The following PRKN variants were observed in gnomAD, a reference collection of about 807,000 sequenced individuals.
PRKN encodes parkin RBR E3 ubiquitin protein ligase.
A neutral mutation model predicts 59.5 loss-of-function variants in PRKN; 56 were observed. The ratio of observed to expected loss-of-function variants is 0.94; its 90% CI spans 0.76 to 1.18. The LOEUF (loss-of-function observed/expected upper bound fraction) is 1.18, where lower values mean the gene tolerates loss of function less well. Ranked by LOEUF, PRKN falls within the 50% of genes most tolerant of loss-of-function variation. The pLI, the probability that PRKN is intolerant of heterozygous loss-of-function variation, is 0.00. For missense variants in PRKN, 657 were observed against 596.4 expected (o/e 1.10, Z -1.06); for synonymous variants, 250 against 222.1 (o/e 1.13, Z -1.12).
At chr6:161,511,258 GA>G (rs1778378717) in intron 9 of PRKN, among the ~76,000 whole-genome samples, 1 of 152,202 alleles carries the variant, frequency 6.6e-6, no homozygotes, top group African/African-American at 2.4e-5. Context: ...TGTCAGATTG[GA>G]AATATGATGT....
chr6:162,315,671 T>C (rs536761134), intron 2 of PRKN, among the ~76,000 whole-genome samples: 1 of 152,178 alleles, frequency 6.6e-6, no homozygotes. Context: ...AGCCAACGTA[T>C]TTTGATGTTT....
intron 2 of PRKN, among the ~76,000 whole-genome samples, chr6:162,409,184 A>G (rs1270451133): frequency 6.6e-6 from 1 of 150,850 alleles, no homozygotes; most frequent in Non-Finnish European, 1.5e-5. Flanking sequence ...TTTTTTTTAT[A>G]GACAGTGTCT....
intron 7 of PRKN, among the ~76,000 whole-genome samples, chr6:161,777,698 A>AAT (rs200369618): frequency 7.8e-5 from 11 of 141,810 alleles, no homozygotes; most frequent in African/African-American, 3.0e-4. Context: ...ATATATACAC[A>AAT]ATATATAAGA....
At chr6:161,752,029 C>T (rs867835003) in intron 7 of PRKN, among the ~76,000 whole-genome samples, 22 of 152,146 alleles carry the variant, frequency 1.4e-4, no homozygotes, top group Admixed American at 4.6e-4. Context: ...AAGGAACCTG[C>T]GGAACATTAT....
intron 1 of PRKN, among the ~76,000 whole-genome samples, chr6:162,639,999 G>A (rs1053417041): frequency 2.4e-4 from 36 of 152,016 alleles, no homozygotes; most frequent in African/African-American, 7.5e-4. Flanking sequence ...AGCCCAAGAC[G>A]TTTTCTCCAG....
intron 2 of PRKN, among the ~76,000 whole-genome samples, chr6:162,388,071 T>A (rs1455060584): frequency 6.6e-6 from 1 of 152,162 alleles, no homozygotes; most frequent in African/African-American, 2.4e-5. Flanking sequence ...CGTGTGGTTG[T>A]CAGTGACTGG....
chr6:161,820,106 C>A (rs947726570), intron 6 of PRKN, among the ~76,000 whole-genome samples: 1 of 152,030 alleles, frequency 6.6e-6, no homozygotes, highest in Non-Finnish European at 1.5e-5. Context: ...AACTGTTTAA[C>A]CTCATTATTA....
chr6:161,866,573 TAAAAAAAGAA>T (rs1299207176), intron 6 of PRKN, among the ~76,000 whole-genome samples: 1 of 151,708 alleles, frequency 6.6e-6, no homozygotes, highest in Non-Finnish European at 1.5e-5. Flanking sequence ...ATACTCTGTT[TAAAAAAAGAA>T]AAGAAAAGAA....
intron 2 of PRKN, among the ~76,000 whole-genome samples, chr6:162,385,830 A>G (rs1786772931): frequency 6.6e-6 from 1 of 152,102 alleles, no homozygotes; most frequent in Non-Finnish European, 1.5e-5. Flanking sequence ...ATCTTTTAAA[A>G]ACCAACTTGA....
rs114006295 is a variant in PRKN at position 162,137,956 on chromosome 6, G to A, written c.534+63175C>T. On this transcript the variant is annotated intron_variant, in intron 4 of 11. Transcript: ENST00000366898. ...TGAGGTAATGCGGGACTGTGATCCC[G>A]ACGTGAAGGAAACCTACAAAGATTT... 5.0e-3 allele frequency among the ~76,000 whole-genome samples: 759 copies of A among 152,028 alleles called. 6 individuals are homozygous for A. The highest frequency in any genetic ancestry group is 0.017 in the African/African-American group (709 of 41,474).
chr6:162,438,972 C>G (rs1000891649), intron 2 of PRKN, among the ~76,000 whole-genome samples: 2 of 152,072 alleles, frequency 1.3e-5, no homozygotes, highest in Non-Finnish European at 2.9e-5. Flanking sequence ...TTCCTTTTTT[C>G]TTTTTCCAGC....
chr6:162,201,218 A>G lies in PRKN; in HGVS notation c.447T>C (p.Tyr149=), dbSNP rs1407671685. 5.6e-6 allele frequency: 9 copies of G among 1,613,910 alleles called. No individual in the cohort carries two copies. Among genetic ancestry groups the G allele is most frequent in the Non-Finnish European group, 7.6e-6 (9 of 1,179,906 alleles). ...GCACTCTTTGACAGGGGCCTTTGCA[A>G]TACACATAAAAGCTGTTGTAGATTG... ...GRSIYNSFYV[Y]CKGPCQRVQP... The change falls in exon 4 of 12, where the codon TAT becomes TAC. Residue 149 remains tyrosine (Y), a synonymous_variant. Transcript: ENST00000366898.
intron 1 of PRKN, among the ~76,000 whole-genome samples, chr6:162,679,611 T>TTA (rs2128232318): frequency 6.6e-6 from 1 of 152,282 alleles, no homozygotes; most frequent in African/African-American, 2.4e-5. Context: ...TTAACTGACA[T>TTA]ATTACTGACA....
At chr6:161,984,203 A>C (rs954159744) in intron 5 of PRKN, among the ~76,000 whole-genome samples, 2 of 152,138 alleles carry the variant, frequency 1.3e-5, no homozygotes, top group Non-Finnish European at 2.9e-5. Flanking sequence ...GAAAGAGATC[A>C]CTTGTACCCT....
intron 2 of PRKN, among the ~76,000 whole-genome samples, chr6:162,372,737 A>C (rs1177883578): frequency 6.6e-6 from 1 of 152,222 alleles, no homozygotes; most frequent in Non-Finnish European, 1.5e-5. Flanking sequence ...AAAAATTGTA[A>C]ATTACAAATA....
chr6:162,489,607 C>A (rs1792712748), intron 1 of PRKN, among the ~76,000 whole-genome samples: 1 of 152,210 alleles, frequency 6.6e-6, no homozygotes, highest in African/African-American at 2.4e-5. Context: ...GTGAAATAAA[C>A]ACTTCAAGCC....
intron 2 of PRKN, among the ~76,000 whole-genome samples, chr6:162,293,835 C>T (rs1237473924): frequency 6.6e-6 from 1 of 152,102 alleles, no homozygotes; most frequent in Non-Finnish European, 1.5e-5. Flanking sequence ...CCCGCCACCG[C>T]ACCCGGCTAA....
chr6:162,015,420 G>C (rs1313728016), intron 5 of PRKN, among the ~76,000 whole-genome samples: 1 of 152,142 alleles, frequency 6.6e-6, no homozygotes, highest in Non-Finnish European at 1.5e-5. Flanking sequence ...AAGTAGTATG[G>C]CAATCCCAGC....
chr6:161,364,736 C>T (rs1271597299), intron 10 of PRKN, among the ~76,000 whole-genome samples: 1 of 151,776 alleles, frequency 6.6e-6, no homozygotes, highest in Admixed American at 6.6e-5. Flanking sequence ...CATCTGAGGT[C>T]AGGAGTTCAA....
Sources: allele counts gnomAD v4.1 joint callset (sites outside exome capture counted in the v4.1 genomes callset), GRCh38; gene constraint gnomAD v4.1.1; transcripts MANE v1.5; gene names NCBI Gene and HGNC (gene_info 2026-07-23, HGNC 2026-07-21).